The following ZNF277 variants were observed in gnomAD, a reference collection of about 807,000 sequenced individuals.
ZNF277 encodes nuclear receptor-interacting factor 4.
A neutral mutation model predicts 60.7 loss-of-function variants in ZNF277; 55 were observed. The observed-to-expected ratio is 0.91, with a 90% CI of 0.73 to 1.13. The LOEUF (loss-of-function observed/expected upper bound fraction) is 1.13, where lower values mean the gene tolerates loss of function less well. ZNF277 is among the 50% of genes most tolerant of loss of function. The probability of loss-of-function intolerance (pLI) is 0.00; values close to 1 mark genes in which losing one functional copy is unlikely to be tolerated. For missense variants in ZNF277, 510 were observed against 523.0 expected, an observed-to-expected ratio of 0.98 and a Z score of 0.24; for synonymous variants, 178 against 179.3, an observed-to-expected ratio of 0.99 and a Z score of 0.06.
chr7:112,221,830 C>A (rs972115097), intron 1 of ZNF277, among the ~76,000 whole-genome samples: 2 of 152,186 alleles, frequency 1.3e-5, no homozygotes, highest in African/African-American at 4.8e-5. Flanking sequence ...AGGCCACAAA[C>A]CAGTACTGGT....
chr7:112,282,299 G>A (rs966272883), intron 1 of ZNF277, among the ~76,000 whole-genome samples: 2 of 152,276 alleles, frequency 1.3e-5, no homozygotes, highest in Admixed American at 6.5e-5. Context: ...GGGCCTGGAA[G>A]ACAGAATAGT....
intron 1 of ZNF277, among the ~76,000 whole-genome samples, chr7:112,261,479 T>G (rs1433586736): frequency 2.0e-5 from 3 of 152,200 alleles, no homozygotes. Context: ...TTATTTTATT[T>G]TAGCCTATAT....
At chr7:112,292,315 A>G (rs1288621497) in intron 2 of ZNF277, among the ~76,000 whole-genome samples, 1 of 152,158 alleles carries the variant, frequency 6.6e-6, no homozygotes, top group African/African-American at 2.4e-5. Flanking sequence ...TTCCTTGCCT[A>G]GTTAAGCAGT....
chr7:112,286,614 G>A (rs1301689553), intron 1 of ZNF277, among the ~76,000 whole-genome samples: 2 of 152,130 alleles, frequency 1.3e-5, no homozygotes, highest in African/African-American at 2.4e-5. Flanking sequence ...CAGCTGCCCT[G>A]ACAAATGGGT....
intron 2 of ZNF277, among the ~76,000 whole-genome samples, chr7:112,293,987 A>G (rs995531948): frequency 6.6e-6 from 1 of 152,228 alleles, no homozygotes; most frequent in African/African-American, 2.4e-5. Flanking sequence ...TTGATTAATC[A>G]TGAAAATAGA....
chr7:112,341,686 T>C (rs1354382991), intron 11 of ZNF277, among the ~76,000 whole-genome samples: 1 of 152,200 alleles, frequency 6.6e-6, no homozygotes, highest in Non-Finnish European at 1.5e-5. Context: ...GGTTCCCAAG[T>C]ATCCTTTGCC....
At position 112,260,253 on chromosome 7, in the gene ZNF277, G is replaced by A. The variant is rs1791412987; in HGVS notation, c.92-26620G>A. On this transcript the variant is annotated intron_variant, in intron 1 of 11. Transcript: ENST00000361822. ...TGCACTCCACCCTAGTGATAGGAGT[G>A]AGACCCTGTCTCAAAAAACTGCTTC... 2.0e-5 allele frequency among the ~76,000 whole-genome samples: 3 copies of A among 152,304 alleles called. No homozygotes were observed. The South Asian group carries it at 6.2e-4, about 32-fold the overall frequency.
At chr7:112,245,285 A>G (rs1168014716) in intron 1 of ZNF277, among the ~76,000 whole-genome samples, 1 of 152,160 alleles carries the variant, frequency 6.6e-6, no homozygotes, top group Non-Finnish European at 1.5e-5. Context: ...CAATCCATAG[A>G]TTCTGAGTGC....
chr7:112,260,470 T>C (rs1398676732), intron 1 of ZNF277, among the ~76,000 whole-genome samples: 1 of 152,228 alleles, frequency 6.6e-6, no homozygotes, highest in African/African-American at 2.4e-5. Context: ...CTGAGTATTT[T>C]CCCATACTAC....
chr7:112,249,919 G>A (rs778032255), intron 1 of ZNF277, among the ~76,000 whole-genome samples: 4 of 152,082 alleles, frequency 2.6e-5, no homozygotes, highest in Non-Finnish European at 5.9e-5. Context: ...TGTACAGCAT[G>A]TGTGTTTGAG....
chr7:112,341,160 G>T (rs1352003260), intron 11 of ZNF277, 114 bp downstream of exon 11: 3 of 969,598 alleles, frequency 3.1e-6, no homozygotes, highest in Non-Finnish European at 4.4e-6. Flanking sequence ...ATTATAAAAA[G>T]TATACATCAG....
chr7:112,260,435 A>G (rs1454193842), intron 1 of ZNF277, among the ~76,000 whole-genome samples: 3 of 152,146 alleles, frequency 2.0e-5, no homozygotes, highest in Admixed American at 1.3e-4. Context: ...ATGGTTTTCT[A>G]TATTTTTTCA....
chr7:112,254,949 G>T (rs930374104), intron 1 of ZNF277, among the ~76,000 whole-genome samples: 1 of 152,032 alleles, frequency 6.6e-6, no homozygotes. Flanking sequence ...CTCCAGCCTG[G>T]GTGACAGAGC....
intron 7 of ZNF277, among the ~76,000 whole-genome samples, chr7:112,334,607 G>A (rs1333742801): frequency 2.0e-5 from 3 of 152,032 alleles, no homozygotes; most frequent in Non-Finnish European, 4.4e-5. Flanking sequence ...TCTACATATT[G>A]TACTCAACAC....
chr7:112,343,535 A>T lies in ZNF277; in HGVS notation c.*806A>T, dbSNP rs1026605823. On this transcript the variant is annotated 3_prime_UTR_variant, in exon 12 of 12. Coordinates refer to ENST00000361822, the MANE Select transcript of ZNF277 (RefSeq NM_021994.3). ...ATCAGTTTCATTACTGATGAATATT[A>T]TATGCCTCCTGATAAGATGTACTGA... is the stretch of plus-strand genomic sequence containing the variant. 4.6e-5 allele frequency among the ~76,000 whole-genome samples: 7 copies of T among 152,206 alleles called. No homozygotes were observed. The highest frequency in any genetic ancestry group is 1.3e-4 in the Admixed American group (2 of 15,274).
At chr7:112,292,305 T>C (rs1215374538) in intron 2 of ZNF277, among the ~76,000 whole-genome samples, 1 of 152,178 alleles carries the variant, frequency 6.6e-6, no homozygotes, top group Non-Finnish European at 1.5e-5. Flanking sequence ...TCTGCACCCT[T>C]TCCTTGCCTA....
At chr7:112,278,779 C>T (rs1028026536) in intron 1 of ZNF277, among the ~76,000 whole-genome samples, 3 of 152,112 alleles carry the variant, frequency 2.0e-5, no homozygotes, top group African/African-American at 7.2e-5. Context: ...AATCTATCCT[C>T]TTCACAAATT....
rs1563219185 is a variant in ZNF277 at position 112,295,945 on chromosome 7, A to G, written c.370A>G (p.Thr124Ala). The stretch of plus-strand genomic sequence containing the variant: ...TTGTAGTGTAATAAGAATTAATTCC[A>G]CTGCTCCATTTGGTAAGTGTACATC... ...DFCSVIRINS[T>A]APFEEQENYF... Residue 124 changes from threonine to alanine, a missense_variant, in exon 3 of 12, where the codon ACT becomes GCT. Transcript: ENST00000361822. 1.9e-6 allele frequency: 3 copies of G among 1,611,378 alleles called. No individual in the cohort carries two copies.
At chr7:112,270,399 G>C (rs925929623) in intron 1 of ZNF277, among the ~76,000 whole-genome samples, 11 of 152,074 alleles carry the variant, frequency 7.2e-5, no homozygotes, top group African/African-American at 2.7e-4. Context: ...TTTGCTATAA[G>C]GAAGGACTTA....
Sources: allele counts gnomAD v4.1 joint callset (sites outside exome capture counted in the v4.1 genomes callset), GRCh38; gene constraint gnomAD v4.1.1; transcripts MANE v1.5; gene names NCBI Gene and HGNC (gene_info 2026-07-23, HGNC 2026-07-21).